The following ANKRD12 variants were observed in gnomAD, a reference collection of about 807,000 sequenced individuals.
The protein encoded by ANKRD12 is ankyrin repeat domain 12.
Under a neutral mutation model 183.4 loss-of-function variants are expected in ANKRD12, and 85 were observed. The observed-to-expected ratio is 0.46, with a 90% confidence interval of 0.39 to 0.56. ANKRD12 has a LOEUF of 0.56. ANKRD12 is among the 20% of genes least tolerant of loss of function. The pLI is 0.00. For synonymous variants in ANKRD12, 914 were observed against 800.2 expected, an observed-to-expected ratio of 1.14 and a Z score of -2.40; for missense variants, 2,405 against 2,357.1, an observed-to-expected ratio of 1.02 and a Z score of -0.42.
In ANKRD12 at chr18:9,241,526, A is replaced by C. The variant is rs114496945; in HGVS notation, c.944-12685A>C. Among the ~76,000 whole-genome samples, 817 of 152,292 alleles carry C rather than the reference A, an allele frequency of 5.4e-3. 13 individuals are homozygous for C. The highest frequency in any genetic ancestry group is 0.019 in the African/African-American group (770 of 41,568). On this transcript the variant is annotated intron_variant, in intron 8 of 12. Coordinates refer to ENST00000262126, the MANE Select transcript of ANKRD12 (RefSeq NM_015208.5). The stretch of plus-strand genomic sequence containing the variant: ...CCTATTTCTGAGGTTGTTGAATAGC[A>C]GCAAGCATCAAGTTTGGTGTTCAGC...
chr18:9,266,392 A>G (rs994217796), intron 10 of ANKRD12, among the ~76,000 whole-genome samples: 13 of 152,244 alleles, frequency 8.5e-5, no homozygotes, highest in Non-Finnish European at 1.6e-4. Context: ...CACAAAGGGA[A>G]GCCCATCAGA....
At chr18:9,240,965 A>G (rs1483790197) in intron 8 of ANKRD12, among the ~76,000 whole-genome samples, 1 of 152,184 alleles carries the variant, frequency 6.6e-6, no homozygotes, top group African/African-American at 2.4e-5. Context: ...CCTCAGTTTT[A>G]TATTTCAGGA....
At position 9,258,880 on chromosome 18, in the gene ANKRD12, C is replaced by T. The variant is rs772656148; in HGVS notation, c.5613C>T (p.Asn1871=). The change falls in exon 9 of 13, where the codon AAC becomes AAT. Residue 1871 remains asparagine (N), a synonymous_variant. Coordinates refer to ENST00000262126, the MANE Select transcript of ANKRD12 (RefSeq NM_015208.5). ...ACTATGACGAATATGTAACATTTAACGGATCATATCTCCTGGATGGAAACC... is the reference window on the plus strand; with the variant it reads ...ACTATGACGAATATGTAACATTTAATGGATCATATCTCCTGGATGGAAACC... ...PQYYDEYVTF[N]GSYLLDGNPL... is the part of the protein sequence containing the mutation. 32 of 1,612,356 alleles carry T rather than the reference C, an allele frequency of 2.0e-5. No individual in the cohort carries two copies. In the South Asian group the frequency reaches 2.2e-4, roughly 11 times the overall value.
chr18:9,156,304 A>G (rs115170284), intron 1 of ANKRD12, among the ~76,000 whole-genome samples: 57 of 152,098 alleles, frequency 3.7e-4, no homozygotes, highest in African/African-American at 1.3e-3. Flanking sequence ...TCTGAAATTC[A>G]TTTGGTGAGA....
chr18:9,279,422 TTA>T (rs2040005510), intron 11 of ANKRD12, 125 bp from the exon 12 acceptor site: 3 of 606,568 alleles, frequency 4.9e-6, no homozygotes, highest in Non-Finnish European at 8.7e-6. Flanking sequence ...AGTATTCAAT[TTA>T]TATATTTCTC....
At chr18:9,204,641 A>AT in intron 4 of ANKRD12, 97 bp downstream of exon 4, 3 of 927,042 alleles carry the variant, frequency 3.2e-6, no homozygotes, top group Non-Finnish European at 4.8e-6. Context: ...AAACCAGCAT[A>AT]TAGATATCTT....
intron 1 of ANKRD12, among the ~76,000 whole-genome samples, chr18:9,147,729 C>T (rs759926913): frequency 3.9e-5 from 6 of 152,116 alleles, no homozygotes; most frequent in Non-Finnish European, 7.4e-5. Context: ...CAACATTTCA[C>T]TGTATGCAGA....
chr18:9,165,684 G>C (rs2031964971), intron 1 of ANKRD12, among the ~76,000 whole-genome samples: 1 of 151,998 alleles, frequency 6.6e-6, no homozygotes, highest in Admixed American at 6.6e-5. Flanking sequence ...ACATGTGTCA[G>C]AATTTCCCTC....
At chr18:9,193,027 C>T (rs1311010720) in intron 2 of ANKRD12, among the ~76,000 whole-genome samples, 2 of 151,876 alleles carry the variant, frequency 1.3e-5, no homozygotes, top group East Asian at 3.9e-4. Context: ...CTGGTTTTCC[C>T]TTCCTGTCAT....
At chr18:9,263,941 T>C in intron 10 of ANKRD12, 53 bp downstream of exon 10, 1 of 1,242,662 alleles carries the variant, frequency 8.0e-7, no homozygotes, top group Non-Finnish European at 1.1e-6. Flanking sequence ...TTTCTAGCAA[T>C]AAATTAAAAT....
intron 10 of ANKRD12, among the ~76,000 whole-genome samples, chr18:9,274,053 C>A (rs1301950697): frequency 1.3e-5 from 2 of 152,216 alleles, no homozygotes; most frequent in Non-Finnish European, 2.9e-5. Context: ...TTAACAAGGT[C>A]TGTTTGTACA....
chr18:9,225,695 G>A (rs777259612), intron 8 of ANKRD12, among the ~76,000 whole-genome samples: 22 of 151,906 alleles, frequency 1.4e-4, no homozygotes, highest in Non-Finnish European at 2.2e-4. Context: ...CAATACTTTC[G>A]AAATCCAAAT....
chr18:9,189,805 C>G (rs899019115), intron 2 of ANKRD12, among the ~76,000 whole-genome samples: 9 of 152,214 alleles, frequency 5.9e-5, no homozygotes, highest in Non-Finnish European at 1.2e-4. Context: ...AATATTACTG[C>G]TCATTGACAA....
Position 9,255,804 on chromosome 18 carries a change from A to C in ANKRD12, c.2537A>C (p.Lys846Thr). 6.3e-7 allele frequency: 1 copy of C among 1,575,388 alleles called. No individual in the cohort carries two copies. The highest frequency in any genetic ancestry group is 1.2e-5 in the South Asian group (1 of 82,862). Residue 846 changes from lysine (K) to threonine (T), a missense_variant, in exon 9 of 13, where the codon AAG (lysine) becomes ACG (threonine). Around this residue, in one of 7 missense-constraint regions of ANKRD12, gnomAD observed 1,983 missense variants for 1,725.9 expected, o/e 1.15. Transcript: ENST00000262126. ...MERKTFEKEKKIKHEHKSEKD... is the reference protein window; with the variant it reads ...MERKTFEKEKTIKHEHKSEKD... Reference sequence around the variant, plus strand: ...AGAAAAACCTTTGAAAAAGAAAAGAAGATAAAACATGAGCATAAGTCAGAA... The same window carrying C: ...AGAAAAACCTTTGAAAAAGAAAAGACGATAAAACATGAGCATAAGTCAGAA...
chr18:9,176,893 T>G (rs188436114), intron 1 of ANKRD12, among the ~76,000 whole-genome samples: 21 of 152,332 alleles, frequency 1.4e-4, no homozygotes, highest in Non-Finnish European at 2.6e-4. Flanking sequence ...TATATTTTAC[T>G]GCTGTAAATT....
At chr18:9,265,372 C>G (rs558977714) in intron 10 of ANKRD12, among the ~76,000 whole-genome samples, 27 of 152,206 alleles carry the variant, frequency 1.8e-4, no homozygotes, top group Admixed American at 1.8e-3. Context: ...GGGAGGCACC[C>G]CCCCAGTAGG....
rs997712008 is a variant in ANKRD12, at chr18:9,160,036, G to A, written c.-51-22346G>A. Reference sequence around the variant, plus strand: ...TGTAATCCCCGCACTTTGGGAGTCCGAGGTGGGCAGATCACTTGAGCTCAG... The same window carrying A: ...TGTAATCCCCGCACTTTGGGAGTCCAAGGTGGGCAGATCACTTGAGCTCAG... On this transcript the variant is annotated intron_variant, in intron 1 of 12. Coordinates refer to ENST00000262126, the MANE Select transcript of ANKRD12 (RefSeq NM_015208.5). 3.9e-5 allele frequency among the ~76,000 whole-genome samples: 6 copies of A among 151,976 alleles called. No homozygotes were observed. In the East Asian group the frequency reaches 5.9e-4, roughly 15 times the overall value.
At chr18:9,277,517 C>T (rs1172150864) in intron 11 of ANKRD12, among the ~76,000 whole-genome samples, 1 of 151,288 alleles carries the variant, frequency 6.6e-6, no homozygotes, top group Non-Finnish European at 1.5e-5. Flanking sequence ...TTAGTAGAGA[C>T]GGGGTTTCAC....
chr18:9,215,796 T>C (rs779642620), intron 6 of ANKRD12, among the ~76,000 whole-genome samples: 9 of 152,044 alleles, frequency 5.9e-5, no homozygotes, highest in Non-Finnish European at 1.2e-4. Flanking sequence ...ATGAAAGAGA[T>C]TGTGGATATG....
Sources: allele counts gnomAD v4.1 joint callset (sites outside exome capture counted in the v4.1 genomes callset), GRCh38; gene constraint gnomAD v4.1.1; regional missense constraint gnomAD v4.1.1; transcripts MANE v1.5; gene names NCBI Gene and HGNC (gene_info 2026-07-23, HGNC 2026-07-21).